GPR157: variants seen among roughly 807,000 people sequenced by gnomAD.
The protein encoded by GPR157 is G-protein coupled receptor 157.
Under a neutral mutation model 23.5 loss-of-function variants are expected in GPR157, and 16 were observed. The observed-to-expected ratio is 0.68, with a 90% CI of 0.46 to 1.04. The LOEUF is 1.04. GPR157 is among the 50% of genes least tolerant of loss of function. The probability of loss-of-function intolerance (pLI) is 0.00; values close to 1 mark genes in which losing one functional copy is unlikely to be tolerated. For synonymous variants in GPR157, 200 were observed against 221.5 expected (o/e 0.90, Z 0.86); for missense variants, 440 against 460.7 (o/e 0.96, Z 0.41).
chr1:9,115,028 G>C (rs1638606237), intron 1 of GPR157, among the ~76,000 whole-genome samples: 2 of 152,084 alleles, frequency 1.3e-5, no homozygotes, highest in South Asian at 4.1e-4. Context: ...GAAGCTGCCA[G>C]AGGGTGGTAT....
At chr1:9,106,482 G>A (rs912942845) in intron 2 of GPR157, among the ~76,000 whole-genome samples, 1 of 152,170 alleles carries the variant, frequency 6.6e-6, no homozygotes, top group Non-Finnish European at 1.5e-5. Flanking sequence ...TCACAGTGGG[G>A]CCAACCCTGA....
intron 1 of GPR157, among the ~76,000 whole-genome samples, chr1:9,127,663 G>A (rs1343739615): frequency 6.6e-6 from 1 of 152,228 alleles, no homozygotes; most frequent in Non-Finnish European, 1.5e-5. Context: ...GACTCTTACA[G>A]CCCTGTAGCC....
chr1:9,117,442 T>A (rs1480631843), intron 1 of GPR157, among the ~76,000 whole-genome samples: 3 of 152,208 alleles, frequency 2.0e-5, no homozygotes, highest in Non-Finnish European at 4.4e-5. Context: ...GCATAAATCC[T>A]GCTTTCTAGA....
At chr1:9,119,856 C>T (rs1298999699) in intron 1 of GPR157, among the ~76,000 whole-genome samples, 1 of 152,172 alleles carries the variant, frequency 6.6e-6, no homozygotes, top group Non-Finnish European at 1.5e-5. Context: ...CGGGGATTAG[C>T]CAAGCAGTGA....
chr1:9,108,611 A>G (rs1340592008), intron 2 of GPR157, among the ~76,000 whole-genome samples: 3 of 152,182 alleles, frequency 2.0e-5, no homozygotes, highest in Non-Finnish European at 4.4e-5. Context: ...CAGGAGACCA[A>G]CTACTAATAA....
intron 2 of GPR157, among the ~76,000 whole-genome samples, chr1:9,106,353 C>T (rs1398626475): frequency 6.6e-6 from 1 of 152,110 alleles, no homozygotes; most frequent in Non-Finnish European, 1.5e-5. Flanking sequence ...ATTCTCAACA[C>T]AGAAGCAGCA....
intron 2 of GPR157, 124 bp downstream of exon 2, chr1:9,111,152 C>G (rs1380638028): frequency 2.5e-6 from 2 of 813,680 alleles, no homozygotes; most frequent in Non-Finnish European, 4.1e-6. Context: ...TCCCCTCTGG[C>G]CCATCACTGG....
rs745822998 is a variant in GPR157 at position 9,104,360 on chromosome 1, C to T, written c.*59G>A. The stretch of plus-strand genomic sequence containing the variant: ...CTTCTGCCCCTGCAGCAGGGACTCA[C>T]AGAAGTGCCTACCCCCAGGAAGGCA... On this transcript the variant is annotated 3_prime_UTR_variant, in exon 4 of 4. Coordinates refer to ENST00000377411, the MANE Select transcript of GPR157 (RefSeq NM_024980.5). The T allele has an allele frequency of 3.3e-5, 43 of 1,319,884 alleles. No homozygotes were observed. The highest frequency in any genetic ancestry group is 1.8e-4 in the Admixed American group (10 of 54,580). The allele number at this position is 1,319,884 out of a possible 1,614,324, so 81.8% of individuals were successfully genotyped here. A position where few individuals can be genotyped will look rare whatever the true frequency, so the allele number is the denominator to read the frequency against.
At chr1:9,112,536 T>G (rs551961809) in intron 1 of GPR157, among the ~76,000 whole-genome samples, 5 of 152,156 alleles carry the variant, frequency 3.3e-5, no homozygotes, top group African/African-American at 1.2e-4. Context: ...CATTGCAACC[T>G]CCACCTCCTG....
intron 1 of GPR157, among the ~76,000 whole-genome samples, chr1:9,125,938 A>G (rs1010308883): frequency 6.6e-6 from 1 of 151,654 alleles, no homozygotes. Flanking sequence ...ATGCCAGTGA[A>G]ACTCGCATTT....
chr1:9,105,588 G>A lies in GPR157; in HGVS notation c.690C>T (p.Ile230=). Residue 230 remains isoleucine (I), a synonymous_variant, in exon 3 of 4, where the codon ATC becomes ATT. Transcript: ENST00000377411. The surrounding 1 kb of genome is among the most constrained non-coding windows in gnomAD (Gnocchi z 4.8). ...CCCTGAGGCCGATGAAGATGAGCGG[G>A]ATGAGCACCAGCTTCTTGTCCGCCA... ...SSMADKKLVL[I]PLIFIGLRVW... 1.9e-6 allele frequency: 3 copies of A among 1,611,522 alleles called. No individual in the cohort carries two copies. The highest frequency in any genetic ancestry group is 2.5e-6 in the Non-Finnish European group (3 of 1,179,284).
intron 1 of GPR157, among the ~76,000 whole-genome samples, chr1:9,123,173 A>G (rs1638837797): frequency 8.0e-6 from 1 of 124,728 alleles, no homozygotes; most frequent in South Asian, 2.5e-4. Context: ...GAAAAAAAAA[A>G]AATATATATA....
intron 1 of GPR157, among the ~76,000 whole-genome samples, chr1:9,116,361 T>TA (rs1638678008): frequency 1.7e-5 from 1 of 58,696 alleles, no homozygotes; most frequent in African/African-American, 7.3e-5. Context: ...TATATATAAA[T>TA]TATATATATA....
intron 1 of GPR157, among the ~76,000 whole-genome samples, chr1:9,115,463 C>T (rs578028277): frequency 3.5e-4 from 53 of 152,178 alleles, no homozygotes; most frequent in African/African-American, 1.2e-3. Context: ...TTAATTGATG[C>T]TTTCATTTCC....
intron 1 of GPR157, among the ~76,000 whole-genome samples, chr1:9,123,372 TTAAATATATATATTTAATTTAA>T (rs1638866167): frequency 6.7e-5 from 2 of 29,758 alleles, no homozygotes; most frequent in East Asian, 1.2e-3. Flanking sequence ...TATATTTAAA[TTAAATATATATATTTAATTTAA>T]ATATATATTT....
chr1:9,104,220 C>A lies in GPR157; in HGVS notation c.*199G>T. On this transcript the variant is annotated 3_prime_UTR_variant, in exon 4 of 4. Transcript: ENST00000377411. ...CCACCCGTGGGCCAGGACGCTGGTA[C>A]CGGTGGAACTTGCTGCCTGAGGATC... 1 of 580,128 alleles carries A rather than the reference C, an allele frequency of 1.7e-6. No homozygotes were observed. Among genetic ancestry groups the A allele is most frequent in the Non-Finnish European group, 3.1e-6 (1 of 324,432 alleles). The allele number at this position is 580,128 out of a possible 1,614,324, so 35.9% of individuals were successfully genotyped here. A position where few individuals can be genotyped will look rare whatever the true frequency, so the allele number is the denominator to read the frequency against.
intron 1 of GPR157, among the ~76,000 whole-genome samples, chr1:9,111,825 C>G (rs1638505418): frequency 6.6e-6 from 1 of 152,144 alleles, no homozygotes; most frequent in African/African-American, 2.4e-5. Flanking sequence ...CAAAAATTAG[C>G]TGGGCGTGGT....
intron 2 of GPR157, among the ~76,000 whole-genome samples, chr1:9,106,931 T>C (rs777771349): frequency 6.6e-6 from 1 of 152,160 alleles, no homozygotes; most frequent in Non-Finnish European, 1.5e-5. Context: ...GCCACTGCAC[T>C]CCAGCCTGGG....
chr1:9,114,800 A>G (rs890680530), intron 1 of GPR157, among the ~76,000 whole-genome samples: 2 of 151,992 alleles, frequency 1.3e-5, no homozygotes, highest in Non-Finnish European at 2.9e-5. Context: ...ACACACCTGT[A>G]ATCCCAGCTA....
Sources: allele counts gnomAD v4.1 joint callset (sites outside exome capture counted in the v4.1 genomes callset), GRCh38; gene constraint gnomAD v4.1.1; non-coding constraint Gnocchi (gnomAD v3.1); transcripts MANE v1.5; gene names NCBI Gene and HGNC (gene_info 2026-07-23, HGNC 2026-07-21).